The following CNTNAP2 variants were observed in gnomAD, a reference collection of about 807,000 sequenced individuals.
The protein encoded by CNTNAP2 is contactin-associated protein-like 2.
A neutral mutation model predicts 155.2 loss-of-function variants in CNTNAP2; 98 were observed. That is an observed-to-expected ratio of 0.63 (90% confidence interval 0.54 to 0.75). The LOEUF (loss-of-function observed/expected upper bound fraction) is 0.75. CNTNAP2 is among the 30% of genes least tolerant of loss of function. The pLI is 0.00. For missense variants in CNTNAP2, 1,727 were observed against 1,688.1 expected (o/e 1.02, Z -0.40); for synonymous variants, 651 against 631.2 (o/e 1.03, Z -0.47).
chr7:147,507,850 C>T (rs1798939599), intron 11 of CNTNAP2, among the ~76,000 whole-genome samples: 2 of 152,052 alleles, frequency 1.3e-5, no homozygotes, highest in South Asian at 4.1e-4. Context: ...CGCGCCTGGC[C>T]ACTTTCTCTT....
intron 1 of CNTNAP2, among the ~76,000 whole-genome samples, chr7:146,681,633 G>T (rs1800506435): frequency 1.2e-5 from 1 of 82,188 alleles, no homozygotes; most frequent in Non-Finnish European, 3.0e-5. Context: ...GGTGGAGATT[G>T]GGAGAAAAGA....
chr7:146,421,998 T>G (rs1238738757), intron 1 of CNTNAP2, among the ~76,000 whole-genome samples: 3 of 151,942 alleles, frequency 2.0e-5, no homozygotes, highest in Non-Finnish European at 4.4e-5. Context: ...GTCTACTGCA[T>G]TCTATTCAAC....
At chr7:146,588,930 G>A (rs1798740094) in intron 1 of CNTNAP2, among the ~76,000 whole-genome samples, 1 of 151,480 alleles carries the variant, frequency 6.6e-6, no homozygotes, top group African/African-American at 2.4e-5. Context: ...GAAAGGATCT[G>A]CAATATTAAA....
intron 9 of CNTNAP2, among the ~76,000 whole-genome samples, chr7:147,392,372 T>A (rs771958153): frequency 7.9e-5 from 12 of 152,032 alleles, no homozygotes; most frequent in Non-Finnish European, 1.2e-4. Context: ...AATTTTTATT[T>A]CCATAGGTTT....
At chr7:146,409,037 A>C (rs1241815311) in intron 1 of CNTNAP2, among the ~76,000 whole-genome samples, 1 of 152,142 alleles carries the variant, frequency 6.6e-6, no homozygotes, top group Non-Finnish European at 1.5e-5. Context: ...ACGATCCTAC[A>C]ACTTAGAATA....
At chr7:146,386,652 T>C (rs565618299) in intron 1 of CNTNAP2, among the ~76,000 whole-genome samples, 63 of 152,124 alleles carry the variant, frequency 4.1e-4, no homozygotes, top group Non-Finnish European at 8.5e-4. Flanking sequence ...TCCCAAAGTG[T>C]TGGGATTACA....
intron 1 of CNTNAP2, among the ~76,000 whole-genome samples, chr7:146,313,039 G>A (rs978454642): frequency 6.6e-6 from 1 of 152,108 alleles, no homozygotes; most frequent in East Asian, 1.9e-4. Flanking sequence ...ATATCTCCTT[G>A]ACATACAGAT....
intron 1 of CNTNAP2, among the ~76,000 whole-genome samples, chr7:146,578,558 ACATT>A (rs1392726576): frequency 1.3e-5 from 2 of 152,188 alleles, no homozygotes; most frequent in South Asian, 2.1e-4. Context: ...AGGTTACAGT[ACATT>A]CAGAGTACTT....
At chr7:147,282,141 C>T (rs192468995) in intron 8 of CNTNAP2, among the ~76,000 whole-genome samples, 1 of 151,966 alleles carries the variant, frequency 6.6e-6, no homozygotes, top group Admixed American at 6.6e-5. Flanking sequence ...GAGGCTACGG[C>T]TTTACCTTGG....
intron 13 of CNTNAP2, among the ~76,000 whole-genome samples, chr7:147,759,224 T>C (rs753715330): frequency 1.1e-4 from 17 of 152,336 alleles, no homozygotes; most frequent in South Asian, 2.1e-4. Context: ...AAAGAAATTA[T>C]GTTCAATGTA....
chr7:146,991,297 G>C (rs1798203991), intron 3 of CNTNAP2, among the ~76,000 whole-genome samples: 2 of 152,068 alleles, frequency 1.3e-5, no homozygotes, highest in African/African-American at 4.8e-5. Context: ...ATTGAAATCA[G>C]TTCATAATGT....
chr7:147,815,596 C>T (rs1381128027), intron 13 of CNTNAP2, among the ~76,000 whole-genome samples: 1 of 152,096 alleles, frequency 6.6e-6, no homozygotes, highest in African/African-American at 2.4e-5. Context: ...TCAATATGTC[C>T]CACCCAGACA....
chr7:146,851,611 G>A (rs375750786), intron 3 of CNTNAP2, among the ~76,000 whole-genome samples: 1 of 151,218 alleles, frequency 6.6e-6, no homozygotes, highest in Non-Finnish European at 1.5e-5. Flanking sequence ...GCTCGCAGGT[G>A]GTTATCTTCT....
intron 13 of CNTNAP2, among the ~76,000 whole-genome samples, chr7:147,853,372 A>G (rs1469438815): frequency 6.6e-6 from 1 of 152,218 alleles, no homozygotes; most frequent in Non-Finnish European, 1.5e-5. Flanking sequence ...AAGCATAGAG[A>G]CAACCCATTT....
At chr7:147,152,143 TCATGTA>T (rs1384427376) in intron 8 of CNTNAP2, among the ~76,000 whole-genome samples, 1 of 152,112 alleles carries the variant, frequency 6.6e-6, no homozygotes, top group Non-Finnish European at 1.5e-5. Flanking sequence ...AGACAATGAC[TCATGTA>T]CATAGGGGAT....
chr7:147,702,682 G>GA (rs1180595534), intron 13 of CNTNAP2, among the ~76,000 whole-genome samples: 3 of 151,746 alleles, frequency 2.0e-5, no homozygotes, highest in Non-Finnish European at 4.4e-5. Flanking sequence ...TTGGTGATCT[G>GA]AAAAAAAGTG....
intron 11 of CNTNAP2, among the ~76,000 whole-genome samples, chr7:147,544,500 T>C (rs1022707322): frequency 2.0e-5 from 3 of 152,110 alleles, no homozygotes; most frequent in African/African-American, 7.2e-5. Flanking sequence ...AAAATTGTTA[T>C]AGGCTTTCAG....
intron 7 of CNTNAP2, among the ~76,000 whole-genome samples, chr7:147,129,798 G>T (rs1801316088): frequency 6.6e-6 from 1 of 152,000 alleles, no homozygotes; most frequent in South Asian, 2.1e-4. Context: ...AATATGGAAG[G>T]TTTAAAACAA....
intron 12 of CNTNAP2, among the ~76,000 whole-genome samples, chr7:147,579,655 A>G (rs1028081995): frequency 6.6e-6 from 1 of 152,160 alleles, no homozygotes; most frequent in African/African-American, 2.4e-5. Context: ...CTATTTAATT[A>G]TTTAATAAAT....
Sources: gnomAD v4.1 joint callset for allele counts (sites outside exome capture counted in the v4.1 genomes callset) on GRCh38, gnomAD v4.1.1 for gene constraint, MANE v1.5 for transcripts, NCBI Gene and HGNC (gene_info 2026-07-23, HGNC 2026-07-21) for gene names.